BBX: variants seen among roughly 807,000 people sequenced by gnomAD.
BBX encodes the protein BBX high mobility group box domain containing.
Under a neutral mutation model 100.2 loss-of-function variants are expected in BBX, and 30 were observed. The ratio of observed to expected loss-of-function variants is 0.30; its 90% confidence interval spans 0.22 to 0.41. The LOEUF is 0.41. Ranked by LOEUF, BBX falls within the 10% of genes least tolerant of loss-of-function variation. BBX has a pLI of 1.00. For synonymous variants in BBX, 376 were observed against 388.1 expected (o/e 0.97, Z 0.37); for missense variants, 1,023 against 1,129.8 (o/e 0.91, Z 1.35).
chr3:107,632,875 A>G (rs2056631455), intron 2 of BBX, among the ~76,000 whole-genome samples: 1 of 152,232 alleles, frequency 6.6e-6, no homozygotes, highest in Non-Finnish European at 1.5e-5. Flanking sequence ...ATCCCTTGTT[A>G]AATGATTCTG....
At chr3:107,704,275 T>C (rs1190412705) in intron 3 of BBX, among the ~76,000 whole-genome samples, 1 of 152,204 alleles carries the variant, frequency 6.6e-6, no homozygotes, top group South Asian at 2.1e-4. Flanking sequence ...TCATATGTGG[T>C]TAAGTGTTAG....
intron 10 of BBX, among the ~76,000 whole-genome samples, chr3:107,771,210 C>A (rs1018900387): frequency 1.3e-5 from 2 of 152,068 alleles, no homozygotes; most frequent in African/African-American, 4.8e-5. Context: ...TCATTAGTGT[C>A]CTCCATGGGG....
intron 3 of BBX, among the ~76,000 whole-genome samples, chr3:107,651,996 T>C (rs897446317): frequency 3.9e-5 from 6 of 152,208 alleles, no homozygotes; most frequent in African/African-American, 1.4e-4. Flanking sequence ...TAAGAACCCA[T>C]GACTGAATTC....
intron 2 of BBX, among the ~76,000 whole-genome samples, chr3:107,584,670 A>ATTTTTTTTT (rs1260656507): frequency 1.4e-5 from 1 of 69,778 alleles, no homozygotes; most frequent in Admixed American, 1.8e-4. Context: ...TTCCGTTGAA[A>ATTTTTTTTT]TCTTTTTTTT....
At chr3:107,794,439 GA>G (rs559197870) in intron 15 of BBX, among the ~76,000 whole-genome samples, 246 of 146,406 alleles carry the variant, frequency 1.7e-3, no homozygotes, top group African/African-American at 5.7e-3. Flanking sequence ...TCACAACGGG[GA>G]AAAAAAAAAC....
At chr3:107,691,822 T>C (rs1379542004) in intron 3 of BBX, among the ~76,000 whole-genome samples, 2 of 152,242 alleles carry the variant, frequency 1.3e-5, no homozygotes, top group African/African-American at 2.4e-5. Context: ...CTAATTCTAG[T>C]GTACCAAAGT....
At chr3:107,758,984 C>G (rs1483893875) in intron 10 of BBX, among the ~76,000 whole-genome samples, 1 of 152,080 alleles carries the variant, frequency 6.6e-6, no homozygotes, top group Non-Finnish European at 1.5e-5. Flanking sequence ...GGGGTTGTTG[C>G]TTCCAACAAA....
intron 3 of BBX, among the ~76,000 whole-genome samples, chr3:107,655,084 T>C (rs1434138604): frequency 1.3e-5 from 2 of 152,230 alleles, no homozygotes; most frequent in East Asian, 1.9e-4. Flanking sequence ...GGAAAATCTT[T>C]ATTGAATACA....
rs1227378243 is a variant in BBX at position 107,806,079 on chromosome 3, A to G, written c.*622A>G. 1 of 151,288 alleles carries G rather than the reference A, an allele frequency of 6.6e-6. No individual in the cohort carries two copies. The highest frequency in any genetic ancestry group is 1.5e-5 in the Non-Finnish European group (1 of 67,942). The allele number at this position is 151,288 out of a possible 1,614,324, so 9.4% of individuals were successfully genotyped here. Reference sequence around the variant, plus strand: ...CGGCCTCGTGGTCCATATATTCTGCACTTTTATATTTGCCACCAGAATGGT... The same window carrying G: ...CGGCCTCGTGGTCCATATATTCTGCGCTTTTATATTTGCCACCAGAATGGT... On this transcript the variant is annotated 3_prime_UTR_variant, in exon 18 of 18. Coordinates refer to ENST00000325805, the MANE Select transcript of BBX (RefSeq NM_001142568.3).
intron 2 of BBX, among the ~76,000 whole-genome samples, chr3:107,642,145 G>A (rs957383138): frequency 2.0e-5 from 3 of 152,138 alleles, no homozygotes; most frequent in African/African-American, 4.8e-5. Context: ...TACAAATTGC[G>A]TAATGTGTAT....
chr3:107,654,029 T>C (rs2107821601), intron 3 of BBX, among the ~76,000 whole-genome samples: 1 of 152,308 alleles, frequency 6.6e-6, no homozygotes, highest in Middle Eastern at 3.4e-3. Flanking sequence ...TGAATACCAC[T>C]ATGTTTTCAG....
At chr3:107,548,454 TTTTGGGAGATGTTTTGGGAGATG>T (rs1270144821) in intron 2 of BBX, among the ~76,000 whole-genome samples, 1 of 152,116 alleles carries the variant, frequency 6.6e-6, no homozygotes, top group Admixed American at 6.5e-5. Flanking sequence ...GGAGAGATGT[TTTTGGGAGATGTTTTGGGAGATG>T]TTTGGGAGAT....
intron 14 of BBX, among the ~76,000 whole-genome samples, chr3:107,790,126 C>G (rs2068849252): frequency 6.6e-6 from 1 of 152,062 alleles, no homozygotes; most frequent in Non-Finnish European, 1.5e-5. Flanking sequence ...CTAAAATTGC[C>G]TCTTCTCATC....
chr3:107,720,668 A>C (rs1272772359), intron 5 of BBX, among the ~76,000 whole-genome samples: 1 of 152,050 alleles, frequency 6.6e-6, no homozygotes, highest in Non-Finnish European at 1.5e-5. Context: ...ATAAAATGCA[A>C]CTTGAAGGTG....
At chr3:107,751,374 C>T (rs1441164861) in intron 9 of BBX, among the ~76,000 whole-genome samples, 1 of 152,044 alleles carries the variant, frequency 6.6e-6, no homozygotes, top group East Asian at 1.9e-4. Flanking sequence ...AAACTATTTC[C>T]GTTCATTTTA....
At chr3:107,614,717 ATTG>A (rs1364103057) in intron 2 of BBX, among the ~76,000 whole-genome samples, 4 of 152,084 alleles carry the variant, frequency 2.6e-5, no homozygotes, top group South Asian at 2.1e-4. Flanking sequence ...TGTATTTTTT[ATTG>A]TTATCTTTTA....
intron 7 of BBX, among the ~76,000 whole-genome samples, chr3:107,733,233 G>A (rs751120839): frequency 1.3e-5 from 2 of 152,104 alleles, no homozygotes; most frequent in Non-Finnish European, 2.9e-5. Flanking sequence ...GTAAACACAG[G>A]TGTTGTTTTC....
intron 7 of BBX, among the ~76,000 whole-genome samples, chr3:107,733,506 C>T (rs575677667): frequency 4.6e-5 from 7 of 152,064 alleles, no homozygotes; most frequent in East Asian, 1.9e-4. Context: ...TTCCCACCCC[C>T]CCTTGAGACA....
intron 2 of BBX, among the ~76,000 whole-genome samples, chr3:107,628,764 A>G (rs2056366202): frequency 6.6e-6 from 1 of 152,126 alleles, no homozygotes; most frequent in Non-Finnish European, 1.5e-5. Context: ...CAAGATGTGC[A>G]ATTTACACTG....
Sources: allele counts gnomAD v4.1 joint callset (sites outside exome capture counted in the v4.1 genomes callset), GRCh38; gene constraint gnomAD v4.1.1; transcripts MANE v1.5; gene names NCBI Gene and HGNC (gene_info 2026-07-23, HGNC 2026-07-21).